MORC2: variants seen among roughly 807,000 people sequenced by gnomAD.
MORC2 encodes ATPase MORC2.
MORC2 carries 30 observed loss-of-function variants against 136.0 expected under a neutral mutation model. That is an observed-to-expected ratio of 0.22 (90% confidence interval 0.17 to 0.30). MORC2 has a LOEUF of 0.30. Among genes scored for constraint, MORC2 ranks in the 10% least tolerant of loss-of-function variants. The pLI is 1.00. For synonymous variants in MORC2, 439 were observed against 487.0 expected, an observed-to-expected ratio of 0.90 and a Z score of 1.30; for missense variants, 922 against 1,333.1, an observed-to-expected ratio of 0.69 and a Z score of 4.80.
At position 30,934,793 on chromosome 22, in the gene MORC2, G is replaced by T. The variant is rs752298406; in HGVS notation, c.2181C>A (p.Ile727=). 8.1e-6 allele frequency: 13 copies of T among 1,614,130 alleles called. No individual in the cohort carries two copies. The highest frequency in any genetic ancestry group is 1.1e-5 in the South Asian group (1 of 91,080). The change falls in exon 19 of 26, where the codon ATC becomes ATA. Residue 727 remains isoleucine (I), a synonymous_variant. Transcript: ENST00000397641. The surrounding 1 kb of genome is among the most constrained non-coding windows in gnomAD (Gnocchi z 4.4). ...TPVVKKTESP[I]KLSPATPSRK... The stretch of plus-strand genomic sequence containing the variant: ...ACAAGCGTCTCACCGGGGAGAGTTT[G>T]ATGGGTGACTCTGTCTTCTTCACCA...
intron 6 of MORC2, among the ~76,000 whole-genome samples, chr22:30,945,335 C>A (rs1329249724): frequency 6.6e-6 from 1 of 152,216 alleles, no homozygotes; most frequent in African/African-American, 2.4e-5. Flanking sequence ...GAAGGCCTAC[C>A]ATTCCCTACC....
At chr22:30,927,005 G>A in intron 25 of MORC2, 134 bp from the exon 26 acceptor site, 1 of 668,876 alleles carries the variant, frequency 1.5e-6, no homozygotes, top group African/African-American at 1.8e-5. Context: ...CTGGATGTCA[G>A]GCTTCTGTCC....
At chr22:30,959,698 A>G (rs1175535676) in intron 1 of MORC2, among the ~76,000 whole-genome samples, 1 of 152,190 alleles carries the variant, frequency 6.6e-6, no homozygotes, top group Admixed American at 6.6e-5. Flanking sequence ...ATACATGACC[A>G]TCAATTTTTC....
At chr22:30,943,908 T>C (rs942555828) in intron 6 of MORC2, among the ~76,000 whole-genome samples, 2 of 152,164 alleles carry the variant, frequency 1.3e-5, no homozygotes, top group African/African-American at 4.8e-5. Flanking sequence ...TAGCTGGGAC[T>C]AGGCGTACAC....
chr22:30,930,991 T>G (rs939026585), intron 24 of MORC2, among the ~76,000 whole-genome samples: 10 of 152,092 alleles, frequency 6.6e-5, no homozygotes, highest in Admixed American at 6.6e-4. Flanking sequence ...AACCTCCAAT[T>G]CCCACAGACC....
intron 3 of MORC2, among the ~76,000 whole-genome samples, chr22:30,950,670 G>C (rs2040874589): frequency 6.6e-6 from 1 of 152,192 alleles, no homozygotes; most frequent in African/African-American, 2.4e-5. Context: ...GAGAACCTTT[G>C]AAGGCAGGAA....
chr22:30,950,338 C>CAAA, intron 4 of MORC2, 39 bp downstream of exon 4: 4 of 695,174 alleles, frequency 5.8e-6, no homozygotes, highest in African/African-American at 3.9e-5. Flanking sequence ...GGTTACATCG[C>CAAA]ACCCCCCCAC....
At chr22:30,952,556 C>G (rs769484676) in intron 3 of MORC2, among the ~76,000 whole-genome samples, 1 of 152,216 alleles carries the variant, frequency 6.6e-6, no homozygotes, top group Non-Finnish European at 1.5e-5. Flanking sequence ...ATCCTCCTGG[C>G]TACATAGTAA....
rs111851903 is a variant in MORC2, at chr22:30,926,420, C to T, written c.*383G>A. 0.012 allele frequency: 1,928 copies of T among 156,658 alleles called. 56 individuals are homozygous for T. Among genetic ancestry groups the T allele is most frequent in the African/African-American group, 0.045 (1,856 of 41,526 alleles). 9.7% of individuals were successfully genotyped at this position (156,658 alleles called of 1,614,324 possible). On this transcript the variant is annotated 3_prime_UTR_variant, in exon 26 of 26. Transcript: ENST00000397641. The stretch of plus-strand genomic sequence containing the variant: ...GTTCCTCCTGTAGGAGAAAAGTCAG[C>T]CCTGCCCCTGGAGCTTCTCCAAGAT...
At chr22:30,949,959 C>A in intron 4 of MORC2, 117 bp from the exon 5 acceptor site, 1 of 883,304 alleles carries the variant, frequency 1.1e-6, no homozygotes, top group South Asian at 1.6e-5. Context: ...CTGAAAACCT[C>A]TCTCCAAGGA....
At chr22:30,929,645 G>A (rs1015173167) in intron 24 of MORC2, among the ~76,000 whole-genome samples, 5 of 152,034 alleles carry the variant, frequency 3.3e-5, no homozygotes, top group Admixed American at 6.5e-5. Flanking sequence ...CTACTCAGGA[G>A]GCTGAGGCAG....
Position 30,958,726 on chromosome 22 carries a change from G to T in MORC2, c.69-32C>A, listed in dbSNP as rs758373222. 8 of 1,493,994 alleles carry T rather than the reference G, an allele frequency of 5.4e-6. No individual in the cohort carries two copies. The South Asian group carries it at 6.1e-5, about 11-fold the overall frequency. The allele number at this position is 1,493,994 out of a possible 1,614,324, so 92.5% of individuals were successfully genotyped here. A position where few individuals can be genotyped will look rare whatever the true frequency, so the allele number is the denominator to read the frequency against. On this transcript the variant is annotated intron_variant, in intron 1 of 25. Transcript: ENST00000397641. ...TGATAAATACTAAAAGTCAGCAAAA[G>T]AATTATTGAAGTTATAATTCCTAAT...
chr22:30,939,539 T>G, intron 12 of MORC2, 82 bp downstream of exon 12: 7 of 1,375,148 alleles, frequency 5.1e-6, no homozygotes, highest in Non-Finnish European at 6.1e-6. Context: ...AAAGCAGTCT[T>G]GGTGACAGAA....
Position 30,941,408 on chromosome 22 carries a change from C to T in MORC2, c.824+25G>A, listed in dbSNP as rs1387855117. On this transcript the variant is annotated intron_variant, in intron 9 of 25. Transcript: ENST00000397641. The surrounding 1 kb of genome is among the most constrained non-coding windows in gnomAD (Gnocchi z 4.6). Reference sequence around the variant, plus strand: ...CACATCCTCGACCCATGGGAGACAGCAGGCCAAGGGGCACTGGCCCCTACC... The same window carrying T: ...CACATCCTCGACCCATGGGAGACAGTAGGCCAAGGGGCACTGGCCCCTACC... The T allele has an allele frequency of 1.2e-6, 2 of 1,610,972 alleles. No homozygotes were observed. The highest frequency in any genetic ancestry group is 8.5e-7 in the Non-Finnish European group (1 of 1,178,290).
chr22:30,935,379 C>G (rs1216866588), intron 17 of MORC2, 57 bp from the exon 18 acceptor site: 2 of 1,542,326 alleles, frequency 1.3e-6, no homozygotes, highest in Non-Finnish European at 1.8e-6. Flanking sequence ...CTTGAGCAAA[C>G]TTTTTGGATA....
At chr22:30,942,050 C>G (rs779678137) in intron 7 of MORC2, 48 bp from the exon 8 acceptor site, 3 of 1,610,338 alleles carry the variant, frequency 1.9e-6, no homozygotes, top group African/African-American at 1.3e-5. Flanking sequence ...GGCCCACCCC[C>G]ACACTACTTG....
chr22:30,966,897 T>C (rs1427595843), intron 1 of MORC2, among the ~76,000 whole-genome samples: 2 of 152,210 alleles, frequency 1.3e-5, no homozygotes, highest in Non-Finnish European at 2.9e-5. Context: ...ATTACAGACA[T>C]TATGATATCA....
At position 30,968,102 on chromosome 22, in the gene MORC2, A is replaced by T. The variant is rs894888067; in HGVS notation, c.-213T>A. On this transcript the variant is annotated 5_prime_UTR_variant, in exon 1 of 26. Transcript: ENST00000397641. ...TTTTTTTTAATCTTCTCAATGATTT[A>T]TGATGTAATATTTTGGAAGGAACTA... 7 of 536,874 alleles carry T rather than the reference A, an allele frequency of 1.3e-5. No homozygotes were observed. In the African/African-American group the frequency reaches 1.3e-4, roughly 10 times the overall value. 33.3% of individuals were successfully genotyped at this position (536,874 alleles called of 1,614,324 possible).
rs1380419622 is a variant in MORC2 at position 30,942,007 on chromosome 22, G to A, written c.587-5C>T. The A allele has an allele frequency of 6.2e-7, 1 of 1,612,382 alleles. No homozygotes were observed. Among genetic ancestry groups the A allele is most frequent in the Non-Finnish European group, 8.5e-7 (1 of 1,178,464 alleles). ...TGAAGATGATCACCAATGTTCCTGA[G>A]AAACAGAAATCTTTTGTCCTGCCAG... On this transcript the variant is annotated splice_polypyrimidine_tract_variant and splice_region_variant and intron_variant, in intron 7 of 25. Coordinates refer to ENST00000397641, the MANE Select transcript of MORC2 (RefSeq NM_001303256.3).
Sources: gnomAD v4.1 joint callset for allele counts (sites outside exome capture counted in the v4.1 genomes callset) on GRCh38, gnomAD v4.1.1 for gene constraint, Gnocchi (gnomAD v3.1) non-coding constraint, MANE v1.5 for transcripts, NCBI Gene and HGNC (gene_info 2026-07-23, HGNC 2026-07-21) for gene names.